The following EHBP1 variants were observed in gnomAD, a reference collection of about 807,000 sequenced individuals.
EHBP1 encodes the protein EH domain binding protein 1.
In EHBP1, 55 loss-of-function variants were observed where a neutral mutation model predicts 144.0. The ratio of observed to expected loss-of-function variants is 0.38; its 90% CI spans 0.31 to 0.48. The LOEUF is 0.48. EHBP1 is among the 20% of genes least tolerant of loss of function. EHBP1 has a pLI of 0.98. For missense variants in EHBP1, 1,200 were observed against 1,364.2 expected (o/e 0.88, Z 1.90); for synonymous variants, 469 against 472.7 (o/e 0.99, Z 0.10).
At chr2:63,003,293 G>A (rs989386420) in intron 19 of EHBP1, among the ~76,000 whole-genome samples, 2 of 151,982 alleles carry the variant, frequency 1.3e-5, no homozygotes, top group Non-Finnish European at 2.9e-5. Context: ...ATAGACAAGC[G>A]CATATGAGAA....
chr2:62,743,546 A>G (rs571604323), intron 2 of EHBP1, among the ~76,000 whole-genome samples: 2 of 152,034 alleles, frequency 1.3e-5, no homozygotes, highest in Non-Finnish European at 2.9e-5. Flanking sequence ...GGCATTCAGT[A>G]AAATATTTGT....
At chr2:62,758,099 A>G (rs1373157687) in intron 3 of EHBP1, among the ~76,000 whole-genome samples, 1 of 151,718 alleles carries the variant, frequency 6.6e-6, no homozygotes, top group Non-Finnish European at 1.5e-5. Flanking sequence ...ATATACTAGG[A>G]GCTCATTATA....
intron 5 of EHBP1, among the ~76,000 whole-genome samples, chr2:62,777,773 C>T (rs1269880270): frequency 6.6e-6 from 1 of 151,974 alleles, no homozygotes; most frequent in African/African-American, 2.4e-5. Flanking sequence ...TAGGGTACTA[C>T]AGGACAGTAA....
chr2:62,810,959 A>G (rs2044951903), intron 5 of EHBP1, among the ~76,000 whole-genome samples: 1 of 152,114 alleles, frequency 6.6e-6, no homozygotes, highest in Non-Finnish European at 1.5e-5. Context: ...TTTGTTTTCA[A>G]TTTGGACATT....
At chr2:62,701,245 C>T (rs906721196), upstream of EHBP1, among the ~76,000 whole-genome samples, 1 of 152,064 alleles carries the variant, frequency 6.6e-6, no homozygotes, top group Non-Finnish European at 1.5e-5. Flanking sequence ...AGTAAAGGAA[C>T]AGGTAAAATT....
chr2:62,970,086 G>A (rs2058427129), intron 14 of EHBP1, among the ~76,000 whole-genome samples: 1 of 150,320 alleles, frequency 6.7e-6, no homozygotes, highest in African/African-American at 2.4e-5. Context: ...GACAAACACA[G>A]AATTCTTTTT....
chr2:62,729,350 TA>T (rs1329583962), intron 2 of EHBP1, among the ~76,000 whole-genome samples: 2 of 126,750 alleles, frequency 1.6e-5, no homozygotes, highest in South Asian at 2.2e-4. Context: ...ATAATATATA[TA>T]ATAATAAATA....
chr2:62,683,889 C>A (rs777583615), intron 1 of EHBP1, among the ~76,000 whole-genome samples: 1 of 151,974 alleles, frequency 6.6e-6, no homozygotes, highest in Non-Finnish European at 1.5e-5. Context: ...TTTTATGAAC[C>A]GAAGCTTCAG....
intron 1 of EHBP1, among the ~76,000 whole-genome samples, chr2:62,684,840 T>C (rs529493634): frequency 1.3e-5 from 2 of 152,284 alleles, no homozygotes; most frequent in South Asian, 4.1e-4. Context: ...GTTTATGTAT[T>C]AGTTTGCAAG....
chr2:62,781,580 T>C (rs2152416062), intron 5 of EHBP1, among the ~76,000 whole-genome samples: 1 of 152,322 alleles, frequency 6.6e-6, no homozygotes, highest in Admixed American at 6.5e-5. Flanking sequence ...TTAAGTACTT[T>C]TGATAGTTGT....
chr2:62,719,673 T>A (rs1211198619), intron 2 of EHBP1, among the ~76,000 whole-genome samples: 1 of 152,234 alleles, frequency 6.6e-6, no homozygotes, highest in Non-Finnish European at 1.5e-5. Context: ...TACAGATTTG[T>A]TTTGGTCATT....
intron 2 of EHBP1, among the ~76,000 whole-genome samples, chr2:62,735,084 G>A (rs1055598025): frequency 6.6e-6 from 1 of 152,042 alleles, no homozygotes; most frequent in Admixed American, 6.6e-5. Flanking sequence ...TTGTAGAGAC[G>A]AGGGCTCACT....
chr2:62,792,687 T>A (rs2043241010), intron 5 of EHBP1, among the ~76,000 whole-genome samples: 1 of 152,072 alleles, frequency 6.6e-6, no homozygotes. Flanking sequence ...TGTGTCTTTT[T>A]GTACACTCAA....
At chr2:62,919,114 G>A (rs1000450941) in intron 10 of EHBP1, among the ~76,000 whole-genome samples, 2 of 152,152 alleles carry the variant, frequency 1.3e-5, no homozygotes, top group Admixed American at 1.3e-4. Flanking sequence ...TGGGAAATAA[G>A]GACCTTATCT....
chr2:62,705,991 C>T lies in EHBP1; in HGVS notation c.-357C>T. On this transcript the variant is annotated 5_prime_UTR_variant, in exon 1 of 23. An upstream open reading frame in the 5' UTR gains an earlier in-frame stop. Coordinates refer to ENST00000431489, the MANE Select transcript of EHBP1 (RefSeq NM_001142616.3). ...GCGGCGGCGGCTGCTGCTGCGGCGGCGACGGAGGAGCGGCTATGAGAAGGG... is the reference window on the plus strand; with the variant it reads ...GCGGCGGCGGCTGCTGCTGCGGCGGTGACGGAGGAGCGGCTATGAGAAGGG... 1.9e-5 allele frequency: 3 copies of T among 162,104 alleles called. No individual in the cohort carries two copies. Among genetic ancestry groups the T allele is most frequent in the East Asian group, 1.8e-4 (1 of 5,418 alleles). The allele number at this position is 162,104 out of a possible 1,614,324, so 10.0% of individuals were successfully genotyped here. A position where few individuals can be genotyped will look rare whatever the true frequency, so the allele number is the denominator to read the frequency against.
rs2034495175 is a variant in EHBP1 at position 62,705,808 on chromosome 2, G to A, written c.-540G>A. ...GGCGCTGAGCGGTGGCTCTGGCAGG[G>A]CTTGGTAGGGTGGGGGACGGTCGCG... is the stretch of plus-strand genomic sequence containing the variant. On this transcript the variant is annotated 5_prime_UTR_variant, in exon 1 of 23. Transcript: ENST00000431489. The A allele has an allele frequency of 7.1e-6, 1 of 141,086 alleles. No homozygotes were observed. The highest frequency in any genetic ancestry group is 2.1e-4 in the East Asian group (1 of 4,786). The allele number at this position is 141,086 out of a possible 1,614,324, so 8.7% of individuals were successfully genotyped here.
At chr2:62,925,188 G>T (rs1298101444) in intron 10 of EHBP1, among the ~76,000 whole-genome samples, 1 of 152,028 alleles carries the variant, frequency 6.6e-6, no homozygotes, top group South Asian at 2.1e-4. Flanking sequence ...TAATAATTAG[G>T]TATAGAAGGT....
intron 1 of EHBP1, among the ~76,000 whole-genome samples, chr2:62,674,731 T>A (rs1428834679): frequency 6.6e-6 from 1 of 152,220 alleles, no homozygotes; most frequent in African/African-American, 2.4e-5. Context: ...CAACAGTTTA[T>A]TGTTATCAGA....
At chr2:62,694,179 G>A (rs950400266) in intron 1 of EHBP1, among the ~76,000 whole-genome samples, 20 of 152,178 alleles carry the variant, frequency 1.3e-4, no homozygotes, top group Non-Finnish European at 2.4e-4. Flanking sequence ...CCTTAAGGGC[G>A]TTCTTTTTCA....
Sources: gnomAD v4.1 joint callset for allele counts (sites outside exome capture counted in the v4.1 genomes callset) on GRCh38, gnomAD v4.1.1 for gene constraint, MANE v1.5 for transcripts, NCBI Gene and HGNC (gene_info 2026-07-23, HGNC 2026-07-21) for gene names.